SACM1L: variants seen among roughly 807,000 people sequenced by gnomAD.
The protein encoded by SACM1L is SAC1 like phosphatidylinositide phosphatase.
In SACM1L, 32 loss-of-function variants were observed where a neutral mutation model predicts 89.5. That is an observed-to-expected ratio of 0.36 (90% CI 0.27 to 0.48). The LOEUF (loss-of-function observed/expected upper bound fraction) is 0.48. Among genes scored for constraint, SACM1L ranks in the 20% least tolerant of loss-of-function variants. SACM1L has a pLI of 0.99. For synonymous variants in SACM1L, 213 were observed against 232.8 expected (o/e 0.92, Z 0.77); for missense variants, 543 against 708.5 (o/e 0.77, Z 2.65).
chr3:45,711,392 C>G (rs545455837), intron 5 of SACM1L, among the ~76,000 whole-genome samples: 1 of 151,916 alleles, frequency 6.6e-6, no homozygotes, highest in Admixed American at 6.6e-5. Flanking sequence ...TTTAGGTGGC[C>G]GAGGCAGAAG....
chr3:45,698,909 T>C (rs1698194188), intron 1 of SACM1L, among the ~76,000 whole-genome samples: 2 of 152,134 alleles, frequency 1.3e-5, no homozygotes, highest in Non-Finnish European at 2.9e-5. Context: ...TAGCTGGGAC[T>C]ACAGGCACGT....
chr3:45,739,745 T>A, intron 19 of SACM1L, 101 bp downstream of exon 19: 1 of 1,062,592 alleles, frequency 9.4e-7, no homozygotes, highest in Non-Finnish European at 1.5e-6. Context: ...GTTTCCCTAT[T>A]AAATTTAATG....
At position 45,709,629 on chromosome 3, in the gene SACM1L, A is replaced by G. The variant is rs149297293; in HGVS notation, c.465A>G (p.Glu155=). The G allele has an allele frequency of 3.7e-6, 6 of 1,612,798 alleles. No homozygotes were observed. In the African/African-American group the frequency reaches 6.7e-5, roughly 18 times the overall value. ...CCAACACTAGTCCTGAATTCCAAGA[A>G]ATGAGTCTCTTGGAAAGGGTAAGCT... The part of the protein sequence containing the change: ...RLSNTSPEFQ[E]MSLLERADQR... The change falls in exon 5 of 20, where the codon GAA becomes GAG. Residue 155 remains glutamate (E), a synonymous_variant. Transcript: ENST00000389061.
chr3:45,724,613 A>G (rs989539614), intron 11 of SACM1L, among the ~76,000 whole-genome samples: 3 of 151,950 alleles, frequency 2.0e-5, no homozygotes, highest in Non-Finnish European at 2.9e-5. Context: ...ACTCTTGACA[A>G]TGTCCTTGGT....
chr3:45,698,781 C>T (rs528413368), intron 1 of SACM1L, among the ~76,000 whole-genome samples: 3 of 152,088 alleles, frequency 2.0e-5, no homozygotes, highest in African/African-American at 7.2e-5. Flanking sequence ...GACTGAACTC[C>T]TAACTTCACG....
In SACM1L at chr3:45,709,497, G is replaced by C; in HGVS notation, c.334-1G>C. 6.2e-7 allele frequency: 1 copy of C among 1,602,314 alleles called. No homozygotes were observed. Among genetic ancestry groups the C allele is most frequent in the Non-Finnish European group, 8.5e-7 (1 of 1,175,560 alleles). On this transcript the variant is annotated splice_acceptor_variant, in intron 4 of 19. Transcript: ENST00000389061. LOFTEE classifies it high-confidence loss of function. Reference sequence around the variant, plus strand: ...CTATACTGATTTTTCTTTGTTTATAGTTACAAGATAATAAAACCTTCCTAG... The same window carrying C: ...CTATACTGATTTTTCTTTGTTTATACTTACAAGATAATAAAACCTTCCTAG...
At chr3:45,709,721 T>C (rs968757428) in intron 5 of SACM1L, 74 bp downstream of exon 5, 35 of 1,333,002 alleles carry the variant, frequency 2.6e-5, no homozygotes, top group Admixed American at 7.3e-5. Flanking sequence ...GCATAAAAAT[T>C]TATATTGATT....
chr3:45,714,154 T>G, intron 7 of SACM1L, 75 bp downstream of exon 7: 5 of 836,236 alleles, frequency 6.0e-6, no homozygotes, highest in Non-Finnish European at 9.3e-6. Flanking sequence ...GATTTAGAGA[T>G]AGTCTCAAAT....
chr3:45,728,058 A>G (rs752464336), intron 11 of SACM1L, among the ~76,000 whole-genome samples: 1 of 152,194 alleles, frequency 6.6e-6, no homozygotes, highest in African/African-American at 2.4e-5. Flanking sequence ...GTCTTTTGTA[A>G]CAATGTTTCA....
At chr3:45,690,013 G>A (rs2125676971) in intron 1 of SACM1L, 1 of 157,558 alleles carries the variant, frequency 6.3e-6, no homozygotes, top group Non-Finnish European at 1.4e-5. Flanking sequence ...AGTACAGTCA[G>A]TAGTCTTAAG....
Position 45,735,098 on chromosome 3 carries a change from G to T in SACM1L, c.1101-137G>T. ...TGGTCTAGGATAATCACATATGCCT[G>T]ACCACACATTCCTGTCTGACCTTTT... On this transcript the variant is annotated intron_variant, in intron 13 of 19. Coordinates refer to ENST00000389061, the MANE Select transcript of SACM1L (RefSeq NM_014016.5). 3 of 830,474 alleles carry T rather than the reference G, an allele frequency of 3.6e-6. No homozygotes were observed. In the South Asian group the frequency reaches 6.6e-5, roughly 18 times the overall value. The allele number at this position is 830,474 out of a possible 1,614,324, so 51.4% of individuals were successfully genotyped here.
chr3:45,729,924 A>T (rs1699007581), intron 11 of SACM1L, among the ~76,000 whole-genome samples: 1 of 150,872 alleles, frequency 6.6e-6, no homozygotes, highest in African/African-American at 2.4e-5. Flanking sequence ...ATTTTATTTC[A>T]CTTTTTGTAC....
At chr3:45,729,557 G>A (rs1213435294) in intron 11 of SACM1L, among the ~76,000 whole-genome samples, 1 of 152,092 alleles carries the variant, frequency 6.6e-6, no homozygotes. Context: ...TTTAAAGGAC[G>A]TTTTGCCAGA....
intron 11 of SACM1L, 55 bp from the exon 12 acceptor site, chr3:45,731,246 A>G: frequency 8.6e-7 from 1 of 1,165,744 alleles, no homozygotes; most frequent in African/African-American, 1.6e-5. Context: ...TTTTTCTGAT[A>G]CCATTCTCTC....
intron 13 of SACM1L, chr3:45,734,998 G>T (rs1172598724): frequency 9.8e-6 from 4 of 407,896 alleles, no homozygotes; most frequent in Admixed American, 8.2e-5. Context: ...CACATCTTTG[G>T]GGTGAGATGA....
intron 1 of SACM1L, among the ~76,000 whole-genome samples, chr3:45,692,741 A>G (rs1161565822): frequency 1.3e-5 from 2 of 152,204 alleles, no homozygotes; most frequent in Non-Finnish European, 2.9e-5. Flanking sequence ...AATTATTGTA[A>G]CAGGGTTAGA....
chr3:45,698,853 A>G lies in SACM1L; in HGVS notation c.33-4585A>G, dbSNP rs545321211. On this transcript the variant is annotated intron_variant, in intron 1 of 19. Transcript: ENST00000389061. Reference sequence around the variant, plus strand: ...GTGATCTCAGCTCACTGCAACCTCCACCTCCTGGGTTCAAGCAAGCGATTC... The same window carrying G: ...GTGATCTCAGCTCACTGCAACCTCCGCCTCCTGGGTTCAAGCAAGCGATTC... 3.0e-4 allele frequency among the ~76,000 whole-genome samples: 46 copies of G among 151,136 alleles called. 1 individual carries two copies. Among genetic ancestry groups the G allele is most frequent in the African/African-American group, 1.1e-3 (45 of 41,016 alleles).
At chr3:45,726,653 C>A (rs1468513353) in intron 11 of SACM1L, among the ~76,000 whole-genome samples, 6 of 151,954 alleles carry the variant, frequency 3.9e-5, no homozygotes, top group African/African-American at 1.4e-4. Context: ...TTTCAAAGTT[C>A]AACTTTTAGT....
At chr3:45,725,869 TTC>T (rs1179501406) in intron 11 of SACM1L, among the ~76,000 whole-genome samples, 1 of 152,134 alleles carries the variant, frequency 6.6e-6, no homozygotes. Flanking sequence ...GGAACTTTTC[TTC>T]TTTTTCTAAG....
Sources: allele counts gnomAD v4.1 joint callset (sites outside exome capture counted in the v4.1 genomes callset), GRCh38; gene constraint gnomAD v4.1.1; transcripts MANE v1.5; gene names NCBI Gene and HGNC (gene_info 2026-07-23, HGNC 2026-07-21).